The following ANKRD35 variants were observed in gnomAD, a reference collection of about 807,000 sequenced individuals.
The protein encoded by ANKRD35 is ankyrin repeat domain 35.
In ANKRD35, 102 loss-of-function variants were observed where a neutral mutation model predicts 109.9. That is an observed-to-expected ratio of 0.93 (90% CI 0.79 to 1.09). ANKRD35 has a LOEUF of 1.09. Ranked by LOEUF, ANKRD35 falls within the 50% of genes least tolerant of loss-of-function variation. The probability of loss-of-function intolerance (pLI) is 0.00; values close to 1 mark genes in which losing one functional copy is unlikely to be tolerated. For synonymous variants in ANKRD35, 515 were observed against 512.4 expected, an observed-to-expected ratio of 1.01 and a Z score of -0.07; for missense variants, 1,240 against 1,230.1, an observed-to-expected ratio of 1.01 and a Z score of -0.12.
chr1:145,872,617 C>G lies in ANKRD35; in HGVS notation c.2152G>C (p.Ala718Pro). 1.2e-6 allele frequency: 2 copies of G among 1,613,916 alleles called. No homozygotes were observed. Among genetic ancestry groups the G allele is most frequent in the Non-Finnish European group, 1.7e-6 (2 of 1,179,910 alleles). Residue 718 changes from alanine (A) to proline (P), a missense_variant, in exon 10 of 14, where the codon GCA becomes CCA. By Grantham distance (27) the Ala-to-Pro change is conservative. Coordinates refer to ENST00000355594, the MANE Select transcript of ANKRD35 (RefSeq NM_144698.5). ...LPADLVGERS[A>P]QSKAAESLEE... ...AGGGACTCCGCTGCTTTGCTTTGTG[C>G]ACTCCTCTCGCCCACTAGGTCTGCG...
At chr1:145,871,312 C>T (rs978459317) in intron 10 of ANKRD35, among the ~76,000 whole-genome samples, 4 of 151,358 alleles carry the variant, frequency 2.6e-5, no homozygotes, top group Admixed American at 1.3e-4. Flanking sequence ...TACAGGTGCC[C>T]GCACCACGCC....
rs782536263 is a variant in ANKRD35, at chr1:145,879,333, T to TC, written c.94dup (p.Asp32GlyfsTer20). The stretch of plus-strand genomic sequence containing the variant: ...GGCCAGGGCAGCCACGCGTCCCACA[T>TC]CCCCCCTGTGCACTGCCTCCAGCAG... On this transcript the variant is annotated frameshift_variant, in exon 2 of 14. Transcript: ENST00000355594. LOFTEE classifies it high-confidence loss of function. 6.2e-7 allele frequency: 1 copy of TC among 1,610,176 alleles called. No homozygotes were observed. The highest frequency in any genetic ancestry group is 1.3e-5 in the African/African-American group (1 of 74,668).
chr1:145,878,787 T>C (rs1370386737), intron 2 of ANKRD35, among the ~76,000 whole-genome samples: 1 of 152,148 alleles, frequency 6.6e-6, no homozygotes. Context: ...AGTGGAAGTG[T>C]CACAGAAAGA....
chr1:145,883,421 T>G (rs899022989), intron 1 of ANKRD35, among the ~76,000 whole-genome samples: 1 of 152,218 alleles, frequency 6.6e-6, no homozygotes, highest in African/African-American at 2.4e-5. Context: ...TCTTCTGGTC[T>G]ACTTCTGGTC....
rs782391699 is a variant in ANKRD35, at chr1:145,873,605, C to CT, written c.1163dup (p.Gln389AlafsTer17). The CT allele has an allele frequency of 3.7e-6, 6 of 1,613,964 alleles. No homozygotes were observed. In the East Asian group the frequency reaches 1.3e-4, roughly 36 times the overall value. On this transcript the variant is annotated frameshift_variant, in exon 10 of 14. Coordinates refer to ENST00000355594, the MANE Select transcript of ANKRD35 (RefSeq NM_144698.5). LOFTEE classifies it high-confidence loss of function. ...GATTTACTGTGGCTGCTGCCTGCTGCTGCTTCTTTAGCTCTTGTGTACTCT... is the reference window on the plus strand; with the variant it reads ...GATTTACTGTGGCTGCTGCCTGCTGCTTGCTTCTTTAGCTCTTGTGTACTCT...
chr1:145,875,084 GGGT>G, intron 7 of ANKRD35, 78 bp from the exon 8 acceptor site: 1 of 1,428,324 alleles, frequency 7.0e-7, no homozygotes, highest in East Asian at 2.4e-5. Flanking sequence ...TCCACTCACA[GGGT>G]AAGCTCTCAT....
chr1:145,877,253 G>A (rs1275741518), intron 4 of ANKRD35, among the ~76,000 whole-genome samples: 3 of 142,080 alleles, frequency 2.1e-5, no homozygotes, highest in Non-Finnish European at 3.0e-5. Flanking sequence ...TTTTTTTTGA[G>A]ACAGAGTCTC....
chr1:145,872,661 C>T lies in ANKRD35; in HGVS notation c.2108G>A (p.Gly703Glu). 1 of 1,614,100 alleles carries T rather than the reference C, an allele frequency of 6.2e-7. No individual in the cohort carries two copies. Among genetic ancestry groups the T allele is most frequent in the Non-Finnish European group, 8.5e-7 (1 of 1,179,996 alleles). ...GTCTGCGGGCAGGCAGTCCCACAGC[C>T]CTCGGAGACCGCTGCTCTGGGAGGC... Reference protein sequence around the residue: ...LLASQSSGLRGLWDCLPADLV... With the variant: ...LLASQSSGLRELWDCLPADLV... Residue 703 changes from glycine to glutamate, a missense_variant, in exon 10 of 14, where the codon GGG (glycine) becomes GAG (glutamate). Physicochemically the swap from Gly to Glu is moderately conservative, Grantham distance 98 (BLOSUM62 -2). Coordinates refer to ENST00000355594, the MANE Select transcript of ANKRD35 (RefSeq NM_144698.5).
intron 1 of ANKRD35, among the ~76,000 whole-genome samples, chr1:145,879,701 T>C (rs1310257911): frequency 6.6e-6 from 1 of 152,212 alleles, no homozygotes; most frequent in Non-Finnish European, 1.5e-5. Flanking sequence ...TGATTAGAGT[T>C]GTTGTTCAGT....
At chr1:145,883,203 G>A (rs1553741415) in intron 1 of ANKRD35, among the ~76,000 whole-genome samples, 1 of 149,642 alleles carries the variant, frequency 6.7e-6, no homozygotes, top group Non-Finnish European at 1.5e-5. Context: ...TCCTGCCTCA[G>A]CCTCCCAAGT....
In ANKRD35 at chr1:145,876,256, T is replaced by C. The variant is rs1553740082; in HGVS notation, c.454-10A>G. The C allele has an allele frequency of 1.9e-6, 3 of 1,606,654 alleles. No individual in the cohort carries two copies. In the African/African-American group the frequency reaches 4.0e-5, roughly 21 times the overall value. ...GGGGTGTACGTCCATCCTGCACAGA[T>C]TGTAGGAAGAGGTTCATGAGCAGCC... On this transcript the variant is annotated splice_polypyrimidine_tract_variant and intron_variant, in intron 6 of 13. Coordinates refer to ENST00000355594, the MANE Select transcript of ANKRD35 (RefSeq NM_144698.5).
chr1:145,874,027 C>T (rs782536828), intron 9 of ANKRD35, 42 bp from the exon 10 acceptor site: 58 of 1,611,474 alleles, frequency 3.6e-5, no homozygotes, highest in African/African-American at 1.3e-4. Flanking sequence ...CACTAGGCAA[C>T]GAACTGAGCC....
At chr1:145,866,944 A>AATCC (rs1653627936) in intron 13 of ANKRD35, among the ~76,000 whole-genome samples, 179 bp from the exon 14 acceptor site, 1 of 152,106 alleles carries the variant, frequency 6.6e-6, no homozygotes, top group South Asian at 2.1e-4. Flanking sequence ...TATCAAAGTG[A>AATCC]AGAGATTCTG....
chr1:145,872,650 A>C lies in ANKRD35; in HGVS notation c.2119T>G (p.Cys707Gly), dbSNP rs782433781. The change falls in exon 10 of 14, where the codon TGC becomes GGC. Residue 707 changes from cysteine (C) to glycine (G), a missense_variant. Physicochemically the swap from Cys to Gly is radical, Grantham distance 159. Transcript: ENST00000355594. ...TCGCCCACTAGGTCTGCGGGCAGGC[A>C]GTCCCACAGCCCTCGGAGACCGCTG... ...QSSGLRGLWD[C>G]LPADLVGERS... The C allele has an allele frequency of 1.2e-6, 2 of 1,613,936 alleles. No individual in the cohort carries two copies. The highest frequency in any genetic ancestry group is 1.7e-6 in the Non-Finnish European group (2 of 1,179,980).
At position 145,885,856 on chromosome 1, in the gene ANKRD35, T is replaced by A; in HGVS notation, c.-98A>T. ...TGGCTGCGGCTGTGCAAGAGACAGC[T>A]GTCAAAAAGCAGAGCGGGCCCCGCC... On this transcript the variant is annotated 5_prime_UTR_variant, in exon 1 of 14. Transcript: ENST00000355594. 1.1e-6 allele frequency: 1 copy of A among 948,844 alleles called. No individual in the cohort carries two copies. The highest frequency in any genetic ancestry group is 1.7e-6 in the Non-Finnish European group (1 of 588,434). The allele number at this position is 948,844 out of a possible 1,614,324, so 58.8% of individuals were successfully genotyped here.
At position 145,866,635 on chromosome 1, in the gene ANKRD35, T is replaced by G. The variant is rs1653616193; in HGVS notation, c.*174A>C. Reference sequence around the variant, plus strand: ...CTCCTCTGGTCTCATCCATGCTGATTCCAGGGTCCAGGTTCTCAGGTCTGA... The same window carrying G: ...CTCCTCTGGTCTCATCCATGCTGATGCCAGGGTCCAGGTTCTCAGGTCTGA... On this transcript the variant is annotated 3_prime_UTR_variant, in exon 14 of 14. Transcript: ENST00000355594. 1 of 152,304 alleles carries G rather than the reference T, an allele frequency of 6.6e-6. No homozygotes were observed. Among genetic ancestry groups the G allele is most frequent in the African/African-American group, 2.4e-5 (1 of 41,420 alleles). The allele number at this position is 152,304 out of a possible 1,614,324, so 9.4% of individuals were successfully genotyped here. A position where few individuals can be genotyped will look rare whatever the true frequency, so the allele number is the denominator to read the frequency against.
At chr1:145,879,838 G>A (rs1311508073) in intron 1 of ANKRD35, among the ~76,000 whole-genome samples, 5 of 151,370 alleles carry the variant, frequency 3.3e-5, no homozygotes, top group Admixed American at 2.0e-4. Context: ...AAACCCTGCT[G>A]CTCTGCTTTT....
In ANKRD35 at chr1:145,873,239, C is replaced by A. The variant is rs1653918874; in HGVS notation, c.1530G>T (p.Arg510=). The change falls in exon 10 of 14, where the codon CGG becomes CGT. Residue 510 remains arginine (R), a synonymous_variant. Coordinates refer to ENST00000355594, the MANE Select transcript of ANKRD35 (RefSeq NM_144698.5). ...CCATGACCGGTCTTGACAAAGCCCC[C>A]CGGGCAGCATCCTTTTCTCGCCACA... ...AAVWREKDAA[R]GALSRPVMEG... is the part of the protein sequence containing the mutation. The A allele has an allele frequency of 1.2e-6, 2 of 1,614,196 alleles. No individual in the cohort carries two copies. The highest frequency in any genetic ancestry group is 3.3e-5 in the Admixed American group (2 of 60,028).
intron 12 of ANKRD35, 100 bp from the exon 13 acceptor site, chr1:145,867,492 T>A: frequency 1.0e-6 from 1 of 966,814 alleles, no homozygotes; most frequent in Non-Finnish European, 1.6e-6. Flanking sequence ...GCTATTTATT[T>A]ACTATATACC....
Sources: gnomAD v4.1 joint callset for allele counts (sites outside exome capture counted in the v4.1 genomes callset) on GRCh38, gnomAD v4.1.1 for gene constraint, MANE v1.5 for transcripts, NCBI Gene and HGNC (gene_info 2026-07-23, HGNC 2026-07-21) for gene names.